GRID2: variants seen among roughly 807,000 people sequenced by gnomAD.
GRID2 encodes the protein glutamate receptor ionotropic, delta-2.
GRID2 carries 33 observed loss-of-function variants against 114.8 expected under a neutral mutation model. The observed-to-expected ratio is 0.29, with a 90% confidence interval of 0.22 to 0.38. The LOEUF (loss-of-function observed/expected upper bound fraction) is 0.38, where lower values mean the gene tolerates loss of function less well. GRID2 is among the 10% of genes least tolerant of loss of function. The pLI is 1.00. For missense variants in GRID2, 1,184 were observed against 1,257.7 expected (o/e 0.94, Z 0.89); for synonymous variants, 505 against 449.9 (o/e 1.12, Z -1.55).
intron 13 of GRID2, among the ~76,000 whole-genome samples, chr4:93,615,649 A>G (rs1006962701): frequency 6.6e-6 from 1 of 152,020 alleles, no homozygotes; most frequent in African/African-American, 2.4e-5. Flanking sequence ...CAAAAAAAAA[A>G]AAAAAGGAAA....
chr4:93,715,838 G>T (rs1728859038), intron 14 of GRID2, among the ~76,000 whole-genome samples: 1 of 152,182 alleles, frequency 6.6e-6, no homozygotes. Context: ...AGCTGAGACA[G>T]TGGGGTTTTC....
At chr4:93,337,916 T>A (rs1759251729) in intron 8 of GRID2, among the ~76,000 whole-genome samples, 1 of 152,110 alleles carries the variant, frequency 6.6e-6, no homozygotes, top group South Asian at 2.1e-4. Flanking sequence ...CCTTCCCTAG[T>A]CCCTGCTCCA....
intron 4 of GRID2, among the ~76,000 whole-genome samples, chr4:93,202,486 A>T (rs1560980053): frequency 6.6e-6 from 1 of 152,186 alleles, no homozygotes; most frequent in African/African-American, 2.4e-5. Flanking sequence ...TGCTAAATAG[A>T]TAAGGAATGT....
chr4:93,774,237 A>G lies in GRID2; in HGVS notation c.*1739A>G, dbSNP rs959889611. The G allele has an allele frequency of 5.3e-5, 8 of 152,072 alleles. No homozygotes were observed. The highest frequency in any genetic ancestry group is 1.9e-4 in the African/African-American group (8 of 41,438). The allele number at this position is 152,072 out of a possible 1,614,324, so 9.4% of individuals were successfully genotyped here. On this transcript the variant is annotated 3_prime_UTR_variant, in exon 16 of 16. Coordinates refer to ENST00000282020, the MANE Select transcript of GRID2 (RefSeq NM_001510.4). ...CAGAAAAATTTCTTATCATGCAAAA[A>G]CCATTTTGTTTCCAGGGTAACAAGT...
chr4:93,767,188 G>A (rs959744913), intron 14 of GRID2, among the ~76,000 whole-genome samples: 4 of 152,120 alleles, frequency 2.6e-5, no homozygotes, highest in South Asian at 2.1e-4. Flanking sequence ...AAATCATGCC[G>A]TTTTCTTTTC....
At chr4:92,828,932 A>T (rs774483885) in intron 2 of GRID2, among the ~76,000 whole-genome samples, 23 of 152,196 alleles carry the variant, frequency 1.5e-4, no homozygotes, top group Non-Finnish European at 2.8e-4. Flanking sequence ...TCAGATGGAT[A>T]GATTGCAAAA....
chr4:93,223,480 C>T (rs1371948663), intron 6 of GRID2, among the ~76,000 whole-genome samples: 2 of 152,060 alleles, frequency 1.3e-5, no homozygotes, highest in African/African-American at 2.4e-5. Context: ...ATCTCAATAG[C>T]CAAAGCTTAG....
intron 11 of GRID2, among the ~76,000 whole-genome samples, chr4:93,462,282 C>T (rs1000166225): frequency 4.6e-5 from 7 of 152,028 alleles, no homozygotes; most frequent in African/African-American, 7.2e-5. Context: ...AACATCACGC[C>T]GATGGATCTT....
At chr4:92,792,416 C>A (rs1739633817) in intron 2 of GRID2, among the ~76,000 whole-genome samples, 1 of 150,318 alleles carries the variant, frequency 6.7e-6, no homozygotes, top group African/African-American at 2.5e-5. Flanking sequence ...TACTTCCTGA[C>A]CCCTGGAAAC....
chr4:93,657,226 T>C (rs1468414527), intron 14 of GRID2, among the ~76,000 whole-genome samples: 1 of 152,222 alleles, frequency 6.6e-6, no homozygotes, highest in East Asian at 1.9e-4. Flanking sequence ...TCTCTGCTTC[T>C]ACTTCTTAAG....
At chr4:93,129,510 G>A (rs983082001) in intron 4 of GRID2, among the ~76,000 whole-genome samples, 1 of 152,010 alleles carries the variant, frequency 6.6e-6, no homozygotes, top group African/African-American at 2.4e-5. Flanking sequence ...ATGTGGCCTG[G>A]AGACTAGTGC....
chr4:93,579,653 C>T (rs1478339027), intron 13 of GRID2, among the ~76,000 whole-genome samples: 1 of 152,068 alleles, frequency 6.6e-6, no homozygotes, highest in Non-Finnish European at 1.5e-5. Context: ...GTTAATTTTG[C>T]CAGACAACTG....
chr4:92,551,859 T>C (rs1726607920), intron 1 of GRID2, among the ~76,000 whole-genome samples: 1 of 152,076 alleles, frequency 6.6e-6, no homozygotes, highest in African/African-American at 2.4e-5. Flanking sequence ...AGACTTCATA[T>C]TTATGAGTAA....
intron 2 of GRID2, among the ~76,000 whole-genome samples, chr4:93,019,955 G>T (rs1201176368): frequency 2.0e-5 from 3 of 152,114 alleles, no homozygotes; most frequent in African/African-American, 7.2e-5. Flanking sequence ...GTAAGAGAAT[G>T]CATTGTGGAA....
intron 2 of GRID2, among the ~76,000 whole-genome samples, chr4:92,610,705 G>A (rs1729676601): frequency 6.6e-6 from 1 of 151,506 alleles, no homozygotes; most frequent in African/African-American, 2.4e-5. Context: ...CACCCAACAA[G>A]CTCTCTCAAG....
chr4:93,608,315 T>TAA (rs1740527909), intron 13 of GRID2, among the ~76,000 whole-genome samples: 1 of 137,376 alleles, frequency 7.3e-6, no homozygotes, highest in African/African-American at 3.3e-5. Flanking sequence ...TTTTTAATTT[T>TAA]TTTTTTTTAT....
At chr4:93,566,184 A>G (rs2149572241) in intron 13 of GRID2, among the ~76,000 whole-genome samples, 1 of 152,336 alleles carries the variant, frequency 6.6e-6, no homozygotes, top group African/African-American at 2.4e-5. Context: ...AGGATACAGG[A>G]TACTACTCAA....
At chr4:93,104,068 C>A (rs889055736) in intron 3 of GRID2, among the ~76,000 whole-genome samples, 1 of 152,012 alleles carries the variant, frequency 6.6e-6, no homozygotes, top group African/African-American at 2.4e-5. Context: ...TCTTTGGTGT[C>A]TATTGTTCCC....
intron 14 of GRID2, among the ~76,000 whole-genome samples, chr4:93,747,107 G>C (rs1048335114): frequency 6.6e-6 from 1 of 151,924 alleles, no homozygotes; most frequent in Non-Finnish European, 1.5e-5. Context: ...GAAATATTTA[G>C]CCAAAGTCCT....
Sources: allele counts gnomAD v4.1 joint callset (sites outside exome capture counted in the v4.1 genomes callset), GRCh38; gene constraint gnomAD v4.1.1; transcripts MANE v1.5; gene names NCBI Gene and HGNC (gene_info 2026-07-23, HGNC 2026-07-21).